Variants in WDR62 observed in about 807,000 individuals in gnomAD.
WDR62 encodes WD repeat domain 62, also known as WD repeat-containing protein 62.
Under a neutral mutation model 160.6 loss-of-function variants are expected in WDR62, and 112 were observed. The ratio of observed to expected loss-of-function variants is 0.70; its 90% CI spans 0.60 to 0.82. The LOEUF is 0.82. Among genes scored for constraint, WDR62 ranks in the 40% least tolerant of loss-of-function variants. The probability of loss-of-function intolerance (pLI) is 0.00; values close to 1 mark genes in which losing one functional copy is unlikely to be tolerated. For missense variants in WDR62, 1,819 were observed against 1,983.8 expected (o/e 0.92, Z 1.58); for synonymous variants, 792 against 815.1 (o/e 0.97, Z 0.48).
intron 2 of WDR62, 121 bp from the exon 3 acceptor site, chr19:36,059,847 G>GGAGGAGACCA: frequency 2.0e-6 from 2 of 990,758 alleles, no homozygotes; most frequent in Middle Eastern, 4.4e-4. Context: ...AGGGGGAGGA[G>GGAGGAGACCA]GAGGAGACCA....
At position 36,099,386 on chromosome 19, in the gene WDR62, G is replaced by A. The variant is rs79646208; in HGVS notation, c.2521-13G>A. 3.1e-6 allele frequency: 5 copies of A among 1,611,836 alleles called. No homozygotes were observed. The highest frequency in any genetic ancestry group is 2.7e-5 in the African/African-American group (2 of 75,010). On this transcript the variant is annotated splice_polypyrimidine_tract_variant and intron_variant, in intron 21 of 31. Transcript: ENST00000401500. ...CACTCAGCCAGTTGCCTGACTGTCC[G>A]ATATCCTTCAAGCTAGGGGACGATG...
intron 8 of WDR62, among the ~76,000 whole-genome samples, chr19:36,072,960 C>G (rs1446060079): frequency 6.6e-6 from 1 of 152,176 alleles, no homozygotes; most frequent in African/African-American, 2.4e-5. Context: ...TCCCCAGCCT[C>G]CTTAGGACAC....
In WDR62 at chr19:36,067,362, C is replaced by A; in HGVS notation, c.618C>A (p.Phe206Leu). ...KVSCRVIALS[F>L]SEDSSYFVTV... ...CTTGTAGAGTCATTGCCCTCTCCTTCTCAGAGGACAGCAGCTATTTTGTCA... is the reference window on the plus strand; with the variant it reads ...CTTGTAGAGTCATTGCCCTCTCCTTATCAGAGGACAGCAGCTATTTTGTCA... The change falls in exon 6 of 32, where the codon TTC (phenylalanine) becomes TTA (leucine). Residue 206 changes from phenylalanine (F) to leucine (L), a missense_variant. Phe to Leu is a conservative substitution (Grantham distance 22). Transcript: ENST00000401500. 1 of 1,614,224 alleles carries A rather than the reference C, an allele frequency of 6.2e-7. No individual in the cohort carries two copies. The highest frequency in any genetic ancestry group is 8.5e-7 in the Non-Finnish European group (1 of 1,180,020).
chr19:36,100,301 A>G (rs538429752), intron 22 of WDR62, among the ~76,000 whole-genome samples: 3 of 152,304 alleles, frequency 2.0e-5, no homozygotes, highest in South Asian at 4.1e-4. Context: ...TCATTGTGGT[A>G]TAATATACAT....
rs116218267 is a variant in WDR62, at chr19:36,090,412, C to T, written c.1959-33C>T. 1,655 of 1,608,480 alleles carry T rather than the reference C, an allele frequency of 1.0e-3. 16 individuals are homozygous for T. The African/African-American group carries it at 0.018, about 18-fold the overall frequency. The stretch of plus-strand genomic sequence containing the variant: ...AATGAGGTGGTGGGGTAGGCGGGGC[C>T]CTGTTGGCCGCAACATGCCCCTACT... On this transcript the variant is annotated intron_variant, in intron 15 of 31. Transcript: ENST00000401500.
chr19:36,071,778 A>ATCC, intron 8 of WDR62, 62 bp downstream of exon 8: 1 of 1,564,726 alleles, frequency 6.4e-7, no homozygotes, highest in Non-Finnish European at 8.7e-7. Context: ...ACTGGCATTC[A>ATCC]TCCATGCTTC....
Position 36,060,028 on chromosome 19 carries a change from C to A in WDR62, c.330C>A (p.Ala110=). 1.2e-6 allele frequency: 2 copies of A among 1,614,198 alleles called. No homozygotes were observed. The highest frequency in any genetic ancestry group is 8.5e-7 in the Non-Finnish European group (1 of 1,180,032). ...AGCAGCAGCACATCTTTAACACCGCCAGGTAGGCTGAGGCCTGGGCCCGGG... is the reference window on the plus strand; with the variant it reads ...AGCAGCAGCACATCTTTAACACCGCAAGGTAGGCTGAGGCCTGGGCCCGGG... ...ENKQQHIFNT[A]RKSLSALAFS... is the part of the protein sequence containing the mutation. The change falls in exon 3 of 32, where the codon GCC becomes GCA. Residue 110 remains alanine, a splice_region_variant and synonymous_variant. Transcript: ENST00000401500.
chr19:36,075,803 A>G (rs75961804), intron 9 of WDR62, among the ~76,000 whole-genome samples: 1,609 of 152,318 alleles, frequency 0.011, 28 homozygotes, highest in African/African-American at 0.037. Context: ...GGGTTGCAAT[A>G]TGGTGATATT....
At position 36,073,936 on chromosome 19, in the gene WDR62, G is replaced by A. The variant is rs549838003; in HGVS notation, c.1233+405G>A. The A allele has an allele frequency of 6.2e-5, 22 of 357,688 alleles. No homozygotes were observed. In the East Asian group the frequency reaches 7.3e-4, roughly 12 times the overall value. 22.2% of individuals were successfully genotyped at this position (357,688 alleles called of 1,614,324 possible). A position where few individuals can be genotyped will look rare whatever the true frequency, so the allele number is the denominator to read the frequency against. On this transcript the variant is annotated intron_variant, in intron 9 of 31. Transcript: ENST00000401500. Reference sequence around the variant, plus strand: ...AGAACCACAAGCACAGAGGCCCTGCGGCAGGAACATGCACTCCACAGAGAG... The same window carrying A: ...AGAACCACAAGCACAGAGGCCCTGCAGCAGGAACATGCACTCCACAGAGAG...
chr19:36,105,124 GT>G (rs1973678639), downstream of WDR62: 7 of 1,471,972 alleles, frequency 4.8e-6, no homozygotes, highest in Non-Finnish European at 5.5e-6. Flanking sequence ...CCTGGTGTCT[GT>G]TTGGGCCTAT....
rs922490939 is a variant in WDR62, at chr19:36,084,710, G to A, written c.1608G>A (p.Glu536=). 6.2e-6 allele frequency: 10 copies of A among 1,613,760 alleles called. No homozygotes were observed. The Admixed American group carries it at 1.2e-4, about 19-fold the overall frequency. ...ELVKVEAHDA[E]VLCLEYSKPE... ...TCAAGGTGGAGGCCCATGATGCTGA[G>A]GTGCTGTGCCTGGAGTACTCCAAGC... Residue 536 remains glutamate (E), a synonymous_variant, in exon 12 of 32, where the codon GAG becomes GAA. Transcript: ENST00000401500.
At chr19:36,091,541 A>T (rs1972608869) in intron 18 of WDR62, 76 bp downstream of exon 18, 2 of 1,414,136 alleles carry the variant, frequency 1.4e-6, no homozygotes, top group Non-Finnish European at 2.0e-6. Context: ...TGTAGAGAGC[A>T]TTTCTAAACT....
At chr19:36,072,782 GA>G (rs1971367338) in intron 8 of WDR62, among the ~76,000 whole-genome samples, 2 of 152,292 alleles carry the variant, frequency 1.3e-5, no homozygotes, top group South Asian at 4.1e-4. Context: ...GTGACCTTGG[GA>G]AGGTGACTAT....
chr19:36,064,855 C>T (rs1970852818), intron 3 of WDR62, among the ~76,000 whole-genome samples: 1 of 152,204 alleles, frequency 6.6e-6, no homozygotes, highest in African/African-American at 2.4e-5. Context: ...GCTGGGATTA[C>T]AGGCGTGAGG....
Position 36,081,638 on chromosome 19 carries a change from G to A in WDR62, c.1371+68G>A, listed in dbSNP as rs532043343. On this transcript the variant is annotated intron_variant, in intron 10 of 31. Transcript: ENST00000401500. ...GACCTACTGTAAGCTTGAATGCAGG[G>A]GCAGGAGAGAGTCTGATGGACCCTA... 2.2e-4 allele frequency: 358 copies of A among 1,609,074 alleles called. No homozygotes were observed. In the Middle Eastern group the frequency reaches 2.8e-3, roughly 13 times the overall value.
chr19:36,100,510 T>C (rs2145853352), intron 22 of WDR62, among the ~76,000 whole-genome samples: 1 of 152,292 alleles, frequency 6.6e-6, no homozygotes, highest in South Asian at 2.1e-4. Flanking sequence ...TTCTTGAACT[T>C]GATATAAATA....
intron 12 of WDR62, among the ~76,000 whole-genome samples, chr19:36,086,406 G>A (rs951824849): frequency 6.6e-6 from 1 of 152,184 alleles, no homozygotes; most frequent in East Asian, 1.9e-4. Flanking sequence ...CTCTGCTGGG[G>A]CGTCTGCTGT....
chr19:36,062,894 C>G, intron 3 of WDR62, among the ~76,000 whole-genome samples: 1 of 152,064 alleles, frequency 6.6e-6, no homozygotes, highest in African/African-American at 2.4e-5. Context: ...GTTGTCCCCT[C>G]AGTCTCTTTC....
At chr19:36,069,409 G>A (rs1408453351) in intron 7 of WDR62, among the ~76,000 whole-genome samples, 1 of 151,510 alleles carries the variant, frequency 6.6e-6, no homozygotes, top group East Asian at 2.0e-4. Flanking sequence ...CGGGGCAGAG[G>A]CGCTCCCCGC....
Sources: allele counts gnomAD v4.1 joint callset (sites outside exome capture counted in the v4.1 genomes callset), GRCh38; gene constraint gnomAD v4.1.1; transcripts MANE v1.5; gene names NCBI Gene and HGNC (gene_info 2026-07-23, HGNC 2026-07-21).